The following AP2A2 variants were observed in gnomAD, a reference collection of about 807,000 sequenced individuals.
AP2A2 encodes adaptor related protein complex 2 subunit alpha 2.
Under a neutral mutation model 104.2 loss-of-function variants are expected in AP2A2, and 32 were observed. That is an observed-to-expected ratio of 0.31 (90% CI 0.23 to 0.41). The LOEUF (loss-of-function observed/expected upper bound fraction) is 0.41. Ranked by LOEUF, AP2A2 falls within the 10% of genes least tolerant of loss-of-function variation. The probability of loss-of-function intolerance (pLI) is 1.00; values close to 1 mark genes in which losing one functional copy is unlikely to be tolerated. For missense variants in AP2A2, 912 were observed against 1,261.0 expected, an observed-to-expected ratio of 0.72 and a Z score of 4.19; for synonymous variants, 539 against 533.3, an observed-to-expected ratio of 1.01 and a Z score of -0.15.
Position 993,813 on chromosome 11 carries a change from G to T in AP2A2, c.1610G>T (p.Arg537Leu). The T allele has an allele frequency of 6.2e-7, 1 of 1,607,742 alleles. No homozygotes were observed. The highest frequency in any genetic ancestry group is 8.5e-7 in the Non-Finnish European group (1 of 1,179,420). Residue 537 changes from arginine (R) to leucine (L), a missense_variant, in exon 13 of 22, where the codon CGC (arginine) becomes CTC (leucine). This residue lies in a region of AP2A2 where 137 missense variants were observed against 186.9 expected (regional missense o/e 0.73). Transcript: ENST00000448903. The surrounding 1 kb of genome is among the most constrained non-coding windows in gnomAD (Gnocchi z 8.2). ...SKFHLCSVPT[R>L]ALLLSTYIKF... ...TTCCACCTGTGCAGCGTCCCCACCC[G>T]CGCGCTGCTCCTGTCCACCTACATC...
At chr11:961,747 C>T (rs1167355141) in intron 2 of AP2A2, among the ~76,000 whole-genome samples, 2 of 135,386 alleles carry the variant, frequency 1.5e-5, no homozygotes, top group East Asian at 2.1e-4. Context: ...TGATAGTCGC[C>T]GCCACCAGTG....
At chr11:958,198 CAAAG>C (rs1564793100) in intron 1 of AP2A2, among the ~76,000 whole-genome samples, 3 of 152,168 alleles carry the variant, frequency 2.0e-5, no homozygotes, top group Admixed American at 6.5e-5. Context: ...AAGCATGCGT[CAAAG>C]AAAGGCCACG....
chr11:983,017 CTTTTT>C (rs56742889), intron 6 of AP2A2, among the ~76,000 whole-genome samples: 2 of 82,390 alleles, frequency 2.4e-5, no homozygotes, highest in Non-Finnish European at 4.7e-5. Flanking sequence ...TTTTCTTTTT[CTTTTT>C]TTTTTTTTTT....
chr11:933,520 A>C (rs1340411662), intron 1 of AP2A2: 8 of 456,022 alleles, frequency 1.8e-5, no homozygotes, highest in Non-Finnish European at 3.5e-5. Context: ...GTGGGGGCTG[A>C]AGCTGTGTGG....
In AP2A2 at chr11:977,162, G is replaced by A. The variant is rs542944302; in HGVS notation, c.541G>A (p.Asp181Asn). The A allele has an allele frequency of 2.2e-5, 36 of 1,613,248 alleles. No individual in the cohort carries two copies. In the Admixed American group the frequency reaches 5.5e-4, roughly 25 times the overall value. ...CLLRLYRTSP[D>N]LVPMGDWTSR... ...GCTGCGCCTGTACAGGACGTCCCCC[G>A]ATCTTGTCCCCATGGGCGACTGGAC... Residue 181 changes from aspartate (D) to asparagine (N), a missense_variant, in exon 5 of 22, where the codon GAT (aspartate) becomes AAT (asparagine). By Grantham distance (23) the Asp-to-Asn change is conservative (BLOSUM62 1). Coordinates refer to ENST00000448903, the MANE Select transcript of AP2A2 (RefSeq NM_012305.4).
chr11:932,442 G>T (rs1376732694), intron 1 of AP2A2, among the ~76,000 whole-genome samples: 1 of 152,130 alleles, frequency 6.6e-6, no homozygotes, highest in South Asian at 2.1e-4. Flanking sequence ...ACTGATTTTC[G>T]TGCAGACGAG....
chr11:977,120 A>C lies in AP2A2; in HGVS notation c.499A>C (p.Ser167Arg). Residue 167 changes from serine to arginine, a missense_variant, in exon 5 of 22, where the codon AGC becomes CGC. Coordinates refer to ENST00000448903, the MANE Select transcript of AP2A2 (RefSeq NM_012305.4). The stretch of plus-strand genomic sequence containing the variant: ...AGACACTATGGACAGCGTGAAGCAG[A>C]GCGCGGCCCTGTGCTTGCTGCGCCT... ...AGDTMDSVKQ[S>R]AALCLLRLYR... 3.1e-6 allele frequency: 5 copies of C among 1,613,720 alleles called. No homozygotes were observed. The highest frequency in any genetic ancestry group is 4.2e-6 in the Non-Finnish European group (5 of 1,179,800).
At chr11:969,220 CTTTTTTTTTTT>C (rs1190722379) in intron 2 of AP2A2, among the ~76,000 whole-genome samples, 1 of 48,040 alleles carries the variant, frequency 2.1e-5, no homozygotes, top group East Asian at 4.4e-4. Flanking sequence ...TAGAACAGCC[CTTTTTTTTTTT>C]TTTTTTTTTT....
chr11:949,103 A>G (rs903894984), intron 1 of AP2A2, among the ~76,000 whole-genome samples: 8 of 151,798 alleles, frequency 5.3e-5, no homozygotes, highest in Admixed American at 1.3e-4. Context: ...AGCCTGGCCA[A>G]CATCTCTACT....
At chr11:932,694 A>G (rs1853329363) in intron 1 of AP2A2, 1 of 456,166 alleles carries the variant, frequency 2.2e-6, no homozygotes, top group South Asian at 1.5e-5. Context: ...GCTCGGGTTG[A>G]ATTTTTCTTG....
At chr11:954,868 A>G (rs536724772) in intron 1 of AP2A2, among the ~76,000 whole-genome samples, 2 of 152,314 alleles carry the variant, frequency 1.3e-5, no homozygotes, top group African/African-American at 2.4e-5. Context: ...GGTTACCTCT[A>G]TAACTCTACA....
rs1854719793 is a variant in AP2A2, at chr11:968,966, T to G, written c.137-1203T>G. 6.6e-6 allele frequency among the ~76,000 whole-genome samples: 1 copy of G among 152,128 alleles called. No homozygotes were observed. The highest frequency in any genetic ancestry group is 1.5e-5 in the Non-Finnish European group (1 of 68,016). ...CCCAGGAAATGTGGCCGGTCTGTAT[T>G]CTACACAGTTGAGGTCGTCCGTGGA... On this transcript the variant is annotated intron_variant, in intron 2 of 21. Coordinates refer to ENST00000448903, the MANE Select transcript of AP2A2 (RefSeq NM_012305.4). The surrounding 1 kb of genome is among the most constrained non-coding windows in gnomAD (Gnocchi z 4.2).
rs1564806291 is a variant in AP2A2 at position 979,782 on chromosome 11, G to A, written c.604-1416G>A. Among the ~76,000 whole-genome samples the A allele has an allele frequency of 2.6e-5, 4 of 152,180 alleles. No homozygotes were observed. The South Asian group carries it at 8.3e-4, about 32-fold the overall frequency. The stretch of plus-strand genomic sequence containing the variant: ...GGGTTTCACCGTGTTGGCCAGGCTG[G>A]TCTTGAGCTCCTGACCTCAGGGGAT... On this transcript the variant is annotated intron_variant, in intron 5 of 21. Coordinates refer to ENST00000448903, the MANE Select transcript of AP2A2 (RefSeq NM_012305.4).
intron 9 of AP2A2, among the ~76,000 whole-genome samples, chr11:988,319 G>A (rs966695722): frequency 6.6e-6 from 1 of 152,384 alleles, no homozygotes; most frequent in East Asian, 1.9e-4. Flanking sequence ...CAGGCAGTGC[G>A]CTGGGTCCTA....
chr11:977,755 G>T (rs369054894), intron 5 of AP2A2, among the ~76,000 whole-genome samples: 2 of 151,962 alleles, frequency 1.3e-5, no homozygotes, highest in African/African-American at 2.4e-5. Context: ...ACCGCATCCA[G>T]CAGGGGTGGA....
At chr11:944,141 C>T (rs115157634) in intron 1 of AP2A2, among the ~76,000 whole-genome samples, 4,168 of 152,196 alleles carry the variant, frequency 0.027, 207 homozygotes, top group African/African-American at 0.095. Context: ...GCGGACAGGT[C>T]GACAGGATGG....
intron 7 of AP2A2, among the ~76,000 whole-genome samples, chr11:985,086 C>T (rs1443388475): frequency 1.3e-5 from 2 of 152,152 alleles, no homozygotes; most frequent in African/African-American, 4.8e-5. Flanking sequence ...CGGGTTCAAG[C>T]GATTCTCCCA....
At position 954,835 on chromosome 11, in the gene AP2A2, G is replaced by T. The variant is rs551162328; in HGVS notation, c.68-4602G>T. Among the ~76,000 whole-genome samples the T allele has an allele frequency of 2.6e-5, 4 of 152,218 alleles. No individual in the cohort carries two copies. The South Asian group carries it at 6.2e-4, about 24-fold the overall frequency. ...TGTTTCTGTCCCACAGAGGAGGGGG[G>T]TTAACTGCCTGTTTCTCCTGGTGGT... On this transcript the variant is annotated intron_variant, in intron 1 of 21. Coordinates refer to ENST00000448903, the MANE Select transcript of AP2A2 (RefSeq NM_012305.4).
intron 10 of AP2A2, among the ~76,000 whole-genome samples, chr11:989,569 G>T (rs568267111): frequency 2.8e-4 from 43 of 152,336 alleles, no homozygotes; most frequent in African/African-American, 7.9e-4. Flanking sequence ...GGAAGGACGG[G>T]ATCTAGGCCA....
Sources: allele counts gnomAD v4.1 joint callset (sites outside exome capture counted in the v4.1 genomes callset), GRCh38; gene constraint gnomAD v4.1.1; regional missense constraint gnomAD v4.1.1; non-coding constraint Gnocchi (gnomAD v3.1); transcripts MANE v1.5; gene names NCBI Gene and HGNC (gene_info 2026-07-23, HGNC 2026-07-21).